Variants in KLRD1 observed in about 807,000 individuals in gnomAD.
KLRD1 encodes natural killer cells antigen CD94.
KLRD1 carries 21 observed loss-of-function variants against 22.6 expected under a neutral mutation model. The observed-to-expected ratio is 0.93, with a 90% CI of 0.66 to 1.34. The LOEUF (loss-of-function observed/expected upper bound fraction) is 1.34. KLRD1 is among the 40% of genes most tolerant of loss of function. The probability of loss-of-function intolerance (pLI) is 0.00; values close to 1 mark genes in which losing one functional copy is unlikely to be tolerated. For synonymous variants in KLRD1, 59 were observed against 71.1 expected (o/e 0.83, Z 0.85); for missense variants, 183 against 208.6 (o/e 0.88, Z 0.76).
chr12:10,298,613 G>C (rs1949841613), intron 1 of KLRD1, among the ~76,000 whole-genome samples: 1 of 152,206 alleles, frequency 6.6e-6, no homozygotes, highest in Non-Finnish European at 1.5e-5. Context: ...ACCTGAATGA[G>C]AGCAAGGAAT....
chr12:10,280,729 G>A (rs1479695337), intron 1 of KLRD1, among the ~76,000 whole-genome samples: 1 of 152,170 alleles, frequency 6.6e-6, no homozygotes, highest in Admixed American at 6.5e-5. Context: ...GTGTGATACA[G>A]TTGTCAGAGC....
chr12:10,286,799 G>T (rs944060106), intron 1 of KLRD1, among the ~76,000 whole-genome samples: 2 of 147,506 alleles, frequency 1.4e-5, no homozygotes, highest in African/African-American at 5.0e-5. Context: ...ATGAGCCACC[G>T]CATCTGGTCC....
At chr12:10,296,223 A>G (rs910314992) in intron 1 of KLRD1, among the ~76,000 whole-genome samples, 38 of 152,204 alleles carry the variant, frequency 2.5e-4, no homozygotes, top group Non-Finnish European at 3.4e-4. Flanking sequence ...ATCTCTAATA[A>G]CATACAAAGG....
At chr12:10,271,097 G>GTTT (rs71049082) in intron 1 of KLRD1, among the ~76,000 whole-genome samples, 81 of 145,764 alleles carry the variant, frequency 5.6e-4, no homozygotes, top group Non-Finnish European at 8.4e-4. Flanking sequence ...CTCCCTAATT[G>GTTT]TTTTTTTTTT....
intron 1 of KLRD1, among the ~76,000 whole-genome samples, chr12:10,265,221 A>G (rs1949488403): frequency 6.8e-6 from 1 of 147,588 alleles, no homozygotes; most frequent in African/African-American, 2.7e-5. Context: ...AACTTATTTT[A>G]TCATATTATA....
chr12:10,287,714 T>C (rs987428884), intron 1 of KLRD1, among the ~76,000 whole-genome samples: 4 of 152,194 alleles, frequency 2.6e-5, no homozygotes, highest in Non-Finnish European at 5.9e-5. Flanking sequence ...ACCCCTAGGT[T>C]ATACAAAACT....
intron 1 of KLRD1, among the ~76,000 whole-genome samples, chr12:10,247,324 A>G (rs1265010441): frequency 3.3e-5 from 5 of 152,092 alleles, no homozygotes; most frequent in African/African-American, 9.7e-5. Flanking sequence ...CATGAGAACA[A>G]TTTATTGGAA....
At chr12:10,301,876 G>A (rs927669863), upstream of KLRD1, among the ~76,000 whole-genome samples, 2 of 152,120 alleles carry the variant, frequency 1.3e-5, no homozygotes, top group Admixed American at 1.3e-4. Flanking sequence ...TGAGGCCATT[G>A]TAGGGTTATT....
chr12:10,249,556 G>A (rs765792), intron 1 of KLRD1, among the ~76,000 whole-genome samples: 10,294 of 152,130 alleles, frequency 0.068, 414 homozygotes, highest in East Asian at 0.17. Flanking sequence ...TCAAACTTGT[G>A]CCCTTATCAT....
chr12:10,305,187 C>T (rs558441191), upstream of KLRD1, among the ~76,000 whole-genome samples: 13 of 152,246 alleles, frequency 8.5e-5, no homozygotes, highest in African/African-American at 2.6e-4. Flanking sequence ...CTTGCTCTTA[C>T]CAAGGGCACT....
At chr12:10,274,069 G>C (rs1949571638) in intron 1 of KLRD1, among the ~76,000 whole-genome samples, 1 of 152,064 alleles carries the variant, frequency 6.6e-6, no homozygotes, top group Non-Finnish European at 1.5e-5. Context: ...GATCATCTGA[G>C]GTCAGGAGTT....
At chr12:10,286,529 A>G (rs1414867020) in intron 1 of KLRD1, among the ~76,000 whole-genome samples, 2 of 152,178 alleles carry the variant, frequency 1.3e-5, no homozygotes, top group Non-Finnish European at 2.9e-5. Context: ...AACATTTGAA[A>G]CTACTCACTT....
chr12:10,248,871 T>G (rs538337539), intron 1 of KLRD1, among the ~76,000 whole-genome samples: 2 of 152,196 alleles, frequency 1.3e-5, no homozygotes, highest in East Asian at 3.9e-4. Context: ...GTGTTGGGAT[T>G]ACAGGCGTGA....
At position 10,323,791 on chromosome 12, in the gene KLRD1, A is replaced by G. The variant is rs906124249; in HGVS notation, c.*8998A>G. 6.6e-6 allele frequency: 1 copy of G among 151,266 alleles called. No homozygotes were observed. Among genetic ancestry groups the G allele is most frequent in the Non-Finnish European group, 1.5e-5 (1 of 67,900 alleles). 9.4% of individuals were successfully genotyped at this position (151,266 alleles called of 1,614,324 possible). A position where few individuals can be genotyped will look rare whatever the true frequency, so the allele number is the denominator to read the frequency against. On this transcript the variant is annotated 3_prime_UTR_variant, in exon 6 of 6. Coordinates refer to ENST00000336164, the MANE Select transcript of KLRD1 (RefSeq NM_002262.5). ...TGTTCTAGATTTTTCATTCAGCATC[A>G]TAATAGTTTTTATACTCATCTATGT...
upstream of KLRD1, among the ~76,000 whole-genome samples, chr12:10,301,661 G>T (rs755572393): frequency 6.6e-6 from 1 of 152,202 alleles, no homozygotes; most frequent in Non-Finnish European, 1.5e-5. Context: ...TTACAATAAG[G>T]CTTCTTGGCT....
chr12:10,252,896 G>A (rs1949357853), intron 1 of KLRD1, among the ~76,000 whole-genome samples: 1 of 150,404 alleles, frequency 6.6e-6, no homozygotes, highest in African/African-American at 2.5e-5. Flanking sequence ...GGCCTAGAAT[G>A]CTTGATTGAA....
rs562963357 is a variant in KLRD1, at chr12:10,289,292, T to C, written c.-100-18686T>C. ...GCTGCAGCTGAGCTCTTTGCAGCTC[T>C]TTCATGAGGTTCTTACACCTTGCTA... On this transcript the variant is annotated intron_variant, in intron 1 of 5. Transcript: ENST00000544747. Among the ~76,000 whole-genome samples, 6 of 152,322 alleles carry C rather than the reference T, an allele frequency of 3.9e-5. No homozygotes were observed. The East Asian group carries it at 1.2e-3, about 29-fold the overall frequency.
upstream of KLRD1, among the ~76,000 whole-genome samples, chr12:10,301,806 G>A (rs1233400970): frequency 6.6e-6 from 1 of 152,162 alleles, no homozygotes; most frequent in African/African-American, 2.4e-5. Context: ...TTTTGGACAT[G>A]TCCTCCTAGC....
upstream of KLRD1, among the ~76,000 whole-genome samples, chr12:10,307,347 G>A (rs1300556235): frequency 1.3e-5 from 2 of 152,182 alleles, no homozygotes; most frequent in Non-Finnish European, 2.9e-5. Flanking sequence ...AACCCATCCA[G>A]TTCTACTTTT....
Sources: gnomAD v4.1 joint callset for allele counts (sites outside exome capture counted in the v4.1 genomes callset) on GRCh38, gnomAD v4.1.1 for gene constraint, MANE v1.5 for transcripts, NCBI Gene and HGNC (gene_info 2026-07-23, HGNC 2026-07-21) for gene names.